The following ADGRG6 variants were observed in gnomAD, a reference collection of about 807,000 sequenced individuals.
The protein encoded by ADGRG6 is G-protein coupled receptor 126.
A neutral mutation model predicts 142.4 loss-of-function variants in ADGRG6; 84 were observed. The ratio of observed to expected loss-of-function variants is 0.59; its 90% CI spans 0.49 to 0.71. ADGRG6 has a LOEUF of 0.71. ADGRG6 is among the 30% of genes least tolerant of loss of function. The pLI, the probability that ADGRG6 is intolerant of heterozygous loss-of-function variation, is 0.00. For synonymous variants in ADGRG6, 521 were observed against 520.5 expected (o/e 1.00, Z -0.01); for missense variants, 1,367 against 1,466.6 (o/e 0.93, Z 1.11).
At chr6:142,343,592 A>G (rs1455151938) in intron 2 of ADGRG6, among the ~76,000 whole-genome samples, 2 of 151,916 alleles carry the variant, frequency 1.3e-5, no homozygotes, top group African/African-American at 2.4e-5. Context: ...AGTTTTTACA[A>G]TTATACATTT....
At chr6:142,314,516 A>C (rs139530302) in intron 2 of ADGRG6, among the ~76,000 whole-genome samples, 1 of 152,200 alleles carries the variant, frequency 6.6e-6, no homozygotes, top group Non-Finnish European at 1.5e-5. Context: ...AGTCCCTGTC[A>C]ATACTGGGTG....
chr6:142,341,969 A>C (rs1412558201), intron 2 of ADGRG6, among the ~76,000 whole-genome samples: 1 of 152,010 alleles, frequency 6.6e-6, no homozygotes, highest in Non-Finnish European at 1.5e-5. Flanking sequence ...CAGACCCTTG[A>C]GTCAGTCTCA....
Position 142,309,527 on chromosome 6 carries a change from A to C in ADGRG6, c.3-17A>C, listed in dbSNP as rs781730192. 1.9e-6 allele frequency: 3 copies of C among 1,578,090 alleles called. No homozygotes were observed. The highest frequency in any genetic ancestry group is 4.5e-5 in the East Asian group (2 of 44,376). On this transcript the variant is annotated splice_polypyrimidine_tract_variant and intron_variant, in intron 1 of 24. Transcript: ENST00000367609. ...CTGAATGTTGAATGTCCTAATTGCC[A>C]TCTTCTTTCTTTGCAGGATGTTTCG...
At chr6:142,346,309 ATGT>A (rs965607865) in intron 2 of ADGRG6, among the ~76,000 whole-genome samples, 2 of 152,026 alleles carry the variant, frequency 1.3e-5, no homozygotes, top group African/African-American at 4.8e-5. Flanking sequence ...TCTCCAGCAT[ATGT>A]TGTTTCCTAA....
chr6:142,368,003 A>G, intron 3 of ADGRG6, 93 bp downstream of exon 3: 1 of 668,514 alleles, frequency 1.5e-6, no homozygotes, highest in Non-Finnish European at 2.6e-6. Context: ...ATGCTCTTTT[A>G]TGTGAATGTG....
At chr6:142,328,869 G>A (rs992568558) in intron 2 of ADGRG6, among the ~76,000 whole-genome samples, 4 of 152,118 alleles carry the variant, frequency 2.6e-5, no homozygotes, top group Admixed American at 1.3e-4. Context: ...TGACATTGAG[G>A]TAAATTGTAG....
At chr6:142,323,304 T>C (rs1023196239) in intron 2 of ADGRG6, among the ~76,000 whole-genome samples, 9 of 152,100 alleles carry the variant, frequency 5.9e-5, no homozygotes, top group African/African-American at 2.2e-4. Flanking sequence ...AAGTACGATA[T>C]ATAATTGAGT....
At chr6:142,434,153 G>A (rs1450524819) in intron 22 of ADGRG6, among the ~76,000 whole-genome samples, 1 of 150,800 alleles carries the variant, frequency 6.6e-6, no homozygotes, top group African/African-American at 2.4e-5. Context: ...TACCAATAAA[G>A]TATTAGTAAT....
rs557512989 is a variant in ADGRG6 at position 142,423,428 on chromosome 6, T to C, written c.3319+3324T>C. On this transcript the variant is annotated intron_variant, in intron 22 of 24. Coordinates refer to ENST00000367609, the MANE Select transcript of ADGRG6 (RefSeq NM_198569.3). ...CACCATTTATTAATTAAATAGGGAA[T>C]CCTTTCCCCATTGCTTGTTTTTCTC... Among the ~76,000 whole-genome samples, 249 of 152,312 alleles carry C rather than the reference T, an allele frequency of 1.6e-3. 1 individual carries two copies. Among genetic ancestry groups the C allele is most frequent in the Non-Finnish European group, 3.2e-3 (215 of 68,030 alleles).
chr6:142,414,092 A>G (rs533295341), intron 18 of ADGRG6, among the ~76,000 whole-genome samples: 1 of 152,008 alleles, frequency 6.6e-6, no homozygotes, highest in East Asian at 1.9e-4. Context: ...CTGTAAGAAC[A>G]CTCCATTTTT....
chr6:142,423,000 T>C (rs1776737652), intron 22 of ADGRG6, among the ~76,000 whole-genome samples: 2 of 152,092 alleles, frequency 1.3e-5, no homozygotes, highest in South Asian at 2.1e-4. Context: ...TCGCCCAGTT[T>C]TTGATGGGGT....
At chr6:142,317,662 A>G (rs1778151442) in intron 2 of ADGRG6, among the ~76,000 whole-genome samples, 1 of 135,552 alleles carries the variant, frequency 7.4e-6, no homozygotes, top group African/African-American at 2.8e-5. Context: ...TATTATATAT[A>G]TAGGACTTTG....
rs1473827527 is a variant in ADGRG6 at position 142,443,671 on chromosome 6, C to A, written c.*156C>A. On this transcript the variant is annotated 3_prime_UTR_variant, in exon 25 of 25. Transcript: ENST00000367609. The stretch of plus-strand genomic sequence containing the variant: ...GGCTTTTGTGAAATTCAGAATTTTT[C>A]TTTTTAATATATTTCTTCCATGGAA... The A allele has an allele frequency of 7.6e-6, 4 of 525,948 alleles. No homozygotes were observed. Among genetic ancestry groups the A allele is most frequent in the Non-Finnish European group, 1.3e-5 (4 of 303,550 alleles). 32.6% of individuals were successfully genotyped at this position (525,948 alleles called of 1,614,324 possible). A position where few individuals can be genotyped will look rare whatever the true frequency, so the allele number is the denominator to read the frequency against.
rs371211470 is a variant in ADGRG6, at chr6:142,411,115, A to T, written c.2435-190A>T. 3.3e-5 allele frequency among the ~76,000 whole-genome samples: 5 copies of T among 152,254 alleles called. No individual in the cohort carries two copies. The South Asian group carries it at 1.0e-3, about 32-fold the overall frequency. On this transcript the variant is annotated intron_variant, in intron 17 of 24. Transcript: ENST00000367609. ...AGATCACCTCTAACTGCCCACCCAG[A>T]GCTAACATTTGATTATTCTAGGAAT...
At chr6:142,392,825 C>T in intron 7 of ADGRG6, 123 bp from the exon 8 acceptor site, 1 of 661,104 alleles carries the variant, frequency 1.5e-6, no homozygotes, top group Non-Finnish European at 2.7e-6. Flanking sequence ...GTTCACTCCT[C>T]CAACTCTTCA....
chr6:142,415,429 G>T (rs1242509967), intron 19 of ADGRG6, among the ~76,000 whole-genome samples: 1 of 151,788 alleles, frequency 6.6e-6, no homozygotes, highest in Non-Finnish European at 1.5e-5. Flanking sequence ...ATTTTTTTAA[G>T]ATCCTTTTAA....
At chr6:142,400,757 A>G (rs1020478953) in intron 11 of ADGRG6, 161 bp downstream of exon 11, 32 of 553,200 alleles carry the variant, frequency 5.8e-5, no homozygotes, top group Admixed American at 9.0e-5. Context: ...TAAAGATAAC[A>G]TAAGTGGATG....
chr6:142,342,220 C>T (rs953485817), intron 2 of ADGRG6, among the ~76,000 whole-genome samples: 2 of 152,006 alleles, frequency 1.3e-5, no homozygotes, highest in East Asian at 1.9e-4. Flanking sequence ...AAAAAATTCT[C>T]CAGAGAGAGT....
intron 4 of ADGRG6, among the ~76,000 whole-genome samples, chr6:142,381,737 A>G (rs1781780975): frequency 1.3e-5 from 2 of 152,192 alleles, no homozygotes; most frequent in African/African-American, 2.4e-5. Flanking sequence ...GTGATGACTC[A>G]CAAGTTGAGT....
Sources: allele counts gnomAD v4.1 joint callset (sites outside exome capture counted in the v4.1 genomes callset), GRCh38; gene constraint gnomAD v4.1.1; transcripts MANE v1.5; gene names NCBI Gene and HGNC (gene_info 2026-07-23, HGNC 2026-07-21).